Variants in GPR158 observed in about 807,000 individuals in gnomAD.
The protein encoded by GPR158 is G protein-coupled receptor 158.
GPR158 carries 30 observed loss-of-function variants against 78.2 expected under a neutral mutation model. The ratio of observed to expected loss-of-function variants is 0.38; its 90% CI spans 0.29 to 0.52. The LOEUF (loss-of-function observed/expected upper bound fraction) is 0.52. GPR158 is among the 20% of genes least tolerant of loss of function. The pLI is 0.83. For synonymous variants in GPR158, 581 were observed against 591.1 expected, an observed-to-expected ratio of 0.98 and a Z score of 0.25; for missense variants, 1,463 against 1,523.5, an observed-to-expected ratio of 0.96 and a Z score of 0.66.
chr10:25,210,050 G>A (rs550032177), intron 1 of GPR158, among the ~76,000 whole-genome samples: 35 of 152,270 alleles, frequency 2.3e-4, no homozygotes, highest in African/African-American at 3.9e-4. Context: ...CTTAAAAGTC[G>A]TGAAATTATG....
At chr10:25,226,889 G>C (rs1853380095) in intron 2 of GPR158, among the ~76,000 whole-genome samples, 1 of 152,094 alleles carries the variant, frequency 6.6e-6, no homozygotes, top group Non-Finnish European at 1.5e-5. Flanking sequence ...TTGCCTTTCA[G>C]GTATTTGAAG....
intron 10 of GPR158, among the ~76,000 whole-genome samples, chr10:25,597,245 T>C (rs1837420004): frequency 1.3e-5 from 2 of 152,226 alleles, no homozygotes; most frequent in Admixed American, 6.5e-5. Flanking sequence ...AACGGACTAT[T>C]ACCCTCTAAG....
At chr10:25,481,526 T>C (rs1835663325) in intron 5 of GPR158, among the ~76,000 whole-genome samples, 1 of 152,136 alleles carries the variant, frequency 6.6e-6, no homozygotes, top group Non-Finnish European at 1.5e-5. Context: ...AAACCTATAT[T>C]CAAAATGCAT....
chr10:25,351,248 T>A (rs867294864), intron 2 of GPR158, among the ~76,000 whole-genome samples: 28 of 152,114 alleles, frequency 1.8e-4, no homozygotes, highest in Middle Eastern at 3.4e-3. Context: ...TCAAATAGGA[T>A]ATCTAACATT....
chr10:25,273,600 G>A (rs1854145622), intron 2 of GPR158, among the ~76,000 whole-genome samples: 1 of 151,942 alleles, frequency 6.6e-6, no homozygotes, highest in Admixed American at 6.6e-5. Flanking sequence ...AACTTCTTAG[G>A]GAGAAAGCCT....
chr10:25,337,214 A>T (rs550023510), intron 2 of GPR158, among the ~76,000 whole-genome samples: 8 of 152,214 alleles, frequency 5.3e-5, no homozygotes, highest in African/African-American at 1.4e-4. Context: ...CTTAATTGAC[A>T]CTCAATGAGT....
At chr10:25,249,217 A>G (rs1244982786) in intron 2 of GPR158, among the ~76,000 whole-genome samples, 5 of 152,204 alleles carry the variant, frequency 3.3e-5, no homozygotes, top group South Asian at 4.1e-4. Flanking sequence ...TTGGGCTGAG[A>G]CAATGGGGTT....
intron 1 of GPR158, among the ~76,000 whole-genome samples, chr10:25,202,574 G>A (rs1353002791): frequency 6.6e-6 from 1 of 152,050 alleles, no homozygotes; most frequent in Non-Finnish European, 1.5e-5. Context: ...TCCCTACAAA[G>A]GACATGAATT....
At chr10:25,365,675 T>G (rs1855710826) in intron 2 of GPR158, among the ~76,000 whole-genome samples, 1 of 151,686 alleles carries the variant, frequency 6.6e-6, no homozygotes, top group African/African-American at 2.4e-5. Flanking sequence ...TACAATTTCT[T>G]TGACAGGTGA....
chr10:25,408,229 C>T (rs1320186388), intron 3 of GPR158, among the ~76,000 whole-genome samples: 4 of 152,174 alleles, frequency 2.6e-5, no homozygotes, highest in East Asian at 1.9e-4. Flanking sequence ...ACAAACAATA[C>T]CTTCACAGAT....
chr10:25,398,910 C>G (rs974243035), intron 3 of GPR158, among the ~76,000 whole-genome samples: 1 of 152,186 alleles, frequency 6.6e-6, no homozygotes, highest in Non-Finnish European at 1.5e-5. Flanking sequence ...CCCCAACCCT[C>G]GAGCTGCAGA....
chr10:25,526,322 C>G (rs560309068), intron 5 of GPR158, among the ~76,000 whole-genome samples: 3 of 152,108 alleles, frequency 2.0e-5, no homozygotes, highest in Non-Finnish European at 4.4e-5. Flanking sequence ...ACATTACCTA[C>G]TCTTTTGCAG....
intron 5 of GPR158, among the ~76,000 whole-genome samples, chr10:25,471,494 G>A (rs1835501567): frequency 6.6e-6 from 1 of 152,122 alleles, no homozygotes; most frequent in African/African-American, 2.4e-5. Flanking sequence ...GGATTGCTGG[G>A]TCAAATGGTA....
Position 25,247,305 on chromosome 10 carries a change from C to CT in GPR158, c.1008+26159dup, listed in dbSNP as rs200789915. Among the ~76,000 whole-genome samples the CT allele has an allele frequency of 1.3e-3, 184 of 142,654 alleles. 1 individual carries two copies. The Middle Eastern group carries it at 0.019, about 14-fold the overall frequency. 93.6% of individuals were successfully genotyped at this position (142,654 alleles called of 152,430 possible). ...TCATGGTTTTAAAATTCAATTTATT[C>CT]TTTTTTTTTTTCTTTTTTTTTTATT... On this transcript the variant is annotated intron_variant, in intron 2 of 10. Transcript: ENST00000376351.
At chr10:25,431,620 T>A (rs6482480) in intron 4 of GPR158, among the ~76,000 whole-genome samples, 1 of 134,892 alleles carries the variant, frequency 7.4e-6, no homozygotes, top group South Asian at 2.7e-4. Flanking sequence ...AAATGTCCAA[T>A]AATGATAGAC....
intron 2 of GPR158, among the ~76,000 whole-genome samples, chr10:25,230,134 T>C (rs1245497326): frequency 1.3e-5 from 2 of 152,134 alleles, no homozygotes; most frequent in Non-Finnish European, 2.9e-5. Context: ...TAAAAAGATA[T>C]TGCGGGGTAG....
chr10:25,230,576 A>AC (rs1461484032), intron 2 of GPR158, among the ~76,000 whole-genome samples: 1 of 152,112 alleles, frequency 6.6e-6, no homozygotes, highest in Non-Finnish European at 1.5e-5. Flanking sequence ...GAAATAGAAG[A>AC]CTCGTGGGTG....
At chr10:25,202,486 G>A (rs1013144266) in intron 1 of GPR158, among the ~76,000 whole-genome samples, 1 of 152,104 alleles carries the variant, frequency 6.6e-6, no homozygotes, top group Non-Finnish European at 1.5e-5. Context: ...TCCCACCTAT[G>A]AGTGAGAACA....
At chr10:25,200,143 G>A (rs934618317) in intron 1 of GPR158, among the ~76,000 whole-genome samples, 1 of 152,160 alleles carries the variant, frequency 6.6e-6, no homozygotes, top group Non-Finnish European at 1.5e-5. Context: ...TAGTGTATAA[G>A]TGTTCTTTTT....
Sources: gnomAD v4.1 joint callset for allele counts (sites outside exome capture counted in the v4.1 genomes callset) on GRCh38, gnomAD v4.1.1 for gene constraint, MANE v1.5 for transcripts, NCBI Gene and HGNC (gene_info 2026-07-23, HGNC 2026-07-21) for gene names.